PARD3B: variants seen among roughly 807,000 people sequenced by gnomAD.
The protein encoded by PARD3B is par-3 family cell polarity regulator beta, also known as partitioning defective 3 homolog B.
PARD3B carries 103 observed loss-of-function variants against 130.2 expected under a neutral mutation model. The ratio of observed to expected loss-of-function variants is 0.79; its 90% CI spans 0.67 to 0.93. The LOEUF (loss-of-function observed/expected upper bound fraction) is 0.93, where lower values mean the gene tolerates loss of function less well. PARD3B is among the 40% of genes least tolerant of loss of function. The probability of loss-of-function intolerance (pLI) is 0.00; values close to 1 mark genes in which losing one functional copy is unlikely to be tolerated. For missense variants in PARD3B, 1,609 were observed against 1,499.2 expected, an observed-to-expected ratio of 1.07 and a Z score of -1.21; for synonymous variants, 583 against 553.2, an observed-to-expected ratio of 1.05 and a Z score of -0.76.
At chr2:205,360,908 G>A in intron 18 of PARD3B, among the ~76,000 whole-genome samples, 1 of 152,070 alleles carries the variant, frequency 6.6e-6, no homozygotes, top group East Asian at 1.9e-4. Context: ...TCTCATTGGT[G>A]TCTTTATTTT....
intron 2 of PARD3B, among the ~76,000 whole-genome samples, chr2:204,779,035 T>C (rs2041741728): frequency 6.6e-6 from 1 of 152,142 alleles, no homozygotes; most frequent in Non-Finnish European, 1.5e-5. Flanking sequence ...GTTATATTCA[T>C]CCTTCTAGGT....
In PARD3B at chr2:205,512,906, C is replaced by T. The variant is rs193097656; in HGVS notation, c.3180+12875C>T. 5.2e-4 allele frequency among the ~76,000 whole-genome samples: 79 copies of T among 151,888 alleles called. 2 individuals carry two copies. The East Asian group carries it at 0.015, about 29-fold the overall frequency. ...TTTTTCTCTTTTGTTTTCCCATGAT[C>T]ACTAATTGGCAGAGCCACAGCTTGT... On this transcript the variant is annotated intron_variant, in intron 21 of 22. Transcript: ENST00000406610.
intron 2 of PARD3B, among the ~76,000 whole-genome samples, chr2:204,812,548 C>T (rs1218500168): frequency 6.6e-6 from 1 of 152,084 alleles, no homozygotes; most frequent in East Asian, 1.9e-4. Context: ...CTGATTCTTC[C>T]CTTGGAGCGG....
chr2:204,938,325 C>G (rs886300172), intron 2 of PARD3B, among the ~76,000 whole-genome samples: 2 of 152,206 alleles, frequency 1.3e-5, no homozygotes, highest in Non-Finnish European at 2.9e-5. Context: ...CAATGGCTTT[C>G]TAAATGTTCT....
At position 204,755,389 on chromosome 2, in the gene PARD3B, A is replaced by T. The variant is rs1312772660; in HGVS notation, c.222+69107A>T. ...AAAGGCAGAAGTTAAAACCCTTCAGATGTCATTTAGAATTTCAATCCTTTG... is the reference window on the plus strand; with the variant it reads ...AAAGGCAGAAGTTAAAACCCTTCAGTTGTCATTTAGAATTTCAATCCTTTG... On this transcript the variant is annotated intron_variant, in intron 2 of 22. Transcript: ENST00000406610. Among the ~76,000 whole-genome samples, 3 of 152,248 alleles carry T rather than the reference A, an allele frequency of 2.0e-5. No individual in the cohort carries two copies. In the South Asian group the frequency reaches 6.2e-4, roughly 32 times the overall value.
intron 4 of PARD3B, among the ~76,000 whole-genome samples, chr2:205,096,859 A>G (rs1311781755): frequency 6.6e-6 from 1 of 152,230 alleles, no homozygotes; most frequent in African/African-American, 2.4e-5. Context: ...CATAATCTCT[A>G]GAATAATGAA....
chr2:205,611,971 G>A (rs925175217), intron 22 of PARD3B, among the ~76,000 whole-genome samples: 2 of 152,118 alleles, frequency 1.3e-5, no homozygotes, highest in African/African-American at 4.8e-5. Context: ...CACAGCATCC[G>A]ACACCGTGAT....
rs68034154 is a variant in PARD3B at position 205,188,783 on chromosome 2, CAAAAAAAAAA to C, written c.2024+2931_2024+2940del. Among the ~76,000 whole-genome samples, 13 of 97,390 alleles carry C rather than the reference CAAAAAAAAAA, an allele frequency of 1.3e-4. No individual in the cohort carries two copies. In the East Asian group the frequency reaches 1.5e-3, roughly 11 times the overall value. The allele number at this position is 97,390 out of a possible 152,430, so 63.9% of individuals were successfully genotyped here. A position where few individuals can be genotyped will look rare whatever the true frequency, so the allele number is the denominator to read the frequency against. ...AAAGGCTCTCCTGCCTTCTGCCTTT[CAAAAAAAAAA>C]AAAAAAAAAAGGAAAAGCCCTCTCA... On this transcript the variant is annotated intron_variant, in intron 14 of 22. Transcript: ENST00000406610.
chr2:205,192,552 G>A (rs1304273318), intron 14 of PARD3B, among the ~76,000 whole-genome samples: 1 of 152,150 alleles, frequency 6.6e-6, no homozygotes, highest in East Asian at 1.9e-4. Flanking sequence ...TTCAGCAGAA[G>A]GAAAGTTATT....
chr2:205,357,169 A>G (rs1395880303), intron 18 of PARD3B, among the ~76,000 whole-genome samples: 2 of 152,330 alleles, frequency 1.3e-5, no homozygotes, highest in South Asian at 2.1e-4. Context: ...ATAAATATTA[A>G]GCACAGTGTG....
At chr2:204,549,071 A>G (rs2030235968) in intron 1 of PARD3B, among the ~76,000 whole-genome samples, 1 of 152,236 alleles carries the variant, frequency 6.6e-6, no homozygotes, top group African/African-American at 2.4e-5. Context: ...CCTGTTGAGA[A>G]CAAAGAAAAC....
intron 2 of PARD3B, among the ~76,000 whole-genome samples, chr2:204,791,658 G>A (rs540739271): frequency 1.3e-5 from 2 of 152,172 alleles, no homozygotes; most frequent in South Asian, 2.1e-4. Context: ...ATTGATTCCA[G>A]TTTTCTGATT....
intron 15 of PARD3B, among the ~76,000 whole-genome samples, chr2:205,209,425 A>G (rs112863514): frequency 0.012 from 1,846 of 152,226 alleles, 21 homozygotes; most frequent in African/African-American, 0.041. Context: ...ATATAAGAAC[A>G]TCTTCCTAAA....
chr2:205,418,265 G>T (rs1370833449), intron 19 of PARD3B, among the ~76,000 whole-genome samples: 1 of 152,128 alleles, frequency 6.6e-6, no homozygotes, highest in African/African-American at 2.4e-5. Flanking sequence ...TAGAGGATTT[G>T]GGTAGATATC....
intron 19 of PARD3B, among the ~76,000 whole-genome samples, chr2:205,419,481 A>G (rs552156423): frequency 3.3e-4 from 51 of 152,302 alleles, no homozygotes; most frequent in Admixed American, 3.3e-3. Flanking sequence ...GGTGGAGCAA[A>G]TTGAACTTTC....
intron 10 of PARD3B, among the ~76,000 whole-genome samples, chr2:205,148,974 A>C (rs2033560804): frequency 6.6e-6 from 1 of 152,064 alleles, no homozygotes; most frequent in Admixed American, 6.5e-5. Context: ...GGGAAATTGG[A>C]TGTTGGCCCT....
At chr2:204,825,690 C>T (rs911584472) in intron 2 of PARD3B, among the ~76,000 whole-genome samples, 3 of 152,156 alleles carry the variant, frequency 2.0e-5, no homozygotes, top group Non-Finnish European at 4.4e-5. Context: ...ATTCTAAATT[C>T]GATTCTCCTA....
chr2:204,758,838 C>T (rs1475855171), intron 2 of PARD3B, among the ~76,000 whole-genome samples: 5 of 152,192 alleles, frequency 3.3e-5, no homozygotes, highest in Non-Finnish European at 7.4e-5. Context: ...GATACCATCT[C>T]AATCATATTT....
chr2:204,738,329 A>T (rs2039848427), intron 2 of PARD3B, among the ~76,000 whole-genome samples: 2 of 151,480 alleles, frequency 1.3e-5, no homozygotes, highest in Admixed American at 6.6e-5. Context: ...TTTTTTCCTG[A>T]TGTTGTAAAA....
Sources: gnomAD v4.1 joint callset for allele counts (sites outside exome capture counted in the v4.1 genomes callset) on GRCh38, gnomAD v4.1.1 for gene constraint, MANE v1.5 for transcripts, NCBI Gene and HGNC (gene_info 2026-07-23, HGNC 2026-07-21) for gene names.